Variants in MT1X observed in about 807,000 individuals in gnomAD.
MT1X encodes metallothionein 1X.
MT1X carries 7 observed loss-of-function variants against 8.6 expected under a neutral mutation model. The ratio of observed to expected loss-of-function variants is 0.81; its 90% CI spans 0.46 to 1.52. The LOEUF (loss-of-function observed/expected upper bound fraction) is 1.52. Among genes scored for constraint, MT1X ranks in the 40% most tolerant of loss-of-function variants. The pLI, the probability that MT1X is intolerant of heterozygous loss-of-function variation, is 0.01. For synonymous variants in MT1X, 25 were observed against 27.6 expected (o/e 0.91, Z 0.30); for missense variants, 72 against 74.3 (o/e 0.97, Z 0.11).
At chr16:56,682,948 C>T in intron 1 of MT1X, 1 of 628,198 alleles carries the variant, frequency 1.6e-6, no homozygotes, top group Non-Finnish European at 2.7e-6. Context: ...GTGTCTGGAG[C>T]CTGGGACCTT....
rs1961034241 is a variant in MT1X, at chr16:56,683,952, C to T, written c.95-6C>T. ...TCTGACCTCTCACTCTCCCCTTCTT[C>T]TCCAGGCTGCTGCTCCTGCTGCCCT... On this transcript the variant is annotated splice_polypyrimidine_tract_variant and splice_region_variant and intron_variant, in intron 2 of 2. Coordinates refer to ENST00000394485, the MANE Select transcript of MT1X (RefSeq NM_005952.4). 1.2e-6 allele frequency: 2 copies of T among 1,613,956 alleles called. No homozygotes were observed. The highest frequency in any genetic ancestry group is 1.7e-6 in the Non-Finnish European group (2 of 1,179,956).
At position 56,684,174 on chromosome 16, in the gene MT1X, T is replaced by C; in HGVS notation, c.*125T>C. The C allele has an allele frequency of 3.4e-6, 4 of 1,184,618 alleles. No homozygotes were observed. The highest frequency in any genetic ancestry group is 4.7e-6 in the Non-Finnish European group (4 of 858,770). The allele number at this position is 1,184,618 out of a possible 1,614,324, so 73.4% of individuals were successfully genotyped here. On this transcript the variant is annotated 3_prime_UTR_variant, in exon 3 of 3. Coordinates refer to ENST00000394485, the MANE Select transcript of MT1X (RefSeq NM_005952.4). The stretch of plus-strand genomic sequence containing the variant: ...TCTTTTTTTCTATGAAATATGTGAA[T>C]GGCAATAAATTCATCTAGACTATTC...
intron 1 of MT1X, chr16:56,682,875 G>A (rs1482520191): frequency 3.4e-6 from 2 of 591,158 alleles, no homozygotes; most frequent in South Asian, 2.1e-5. Context: ...GAAGTGGGGG[G>A]CCATTGCCTC....
At position 56,682,551 on chromosome 16, in the gene MT1X, A is replaced by G. The variant is rs769458223; in HGVS notation, c.11A>G (p.Asn4Ser). ...TCTCCTTGCCTCGAAATGGACCCCA[A>G]CTGCTCCTGCTCGCCTGGTAAGGGA... MDP[N>S]CSCSPVGSCA... is the part of the protein sequence containing the mutation. The change falls in exon 1 of 3, where the codon AAC becomes AGC. Residue 4 changes from asparagine to serine, a missense_variant. Physicochemically the swap from Asn to Ser is conservative, Grantham distance 46. Transcript: ENST00000394485. 10 of 1,614,168 alleles carry G rather than the reference A, an allele frequency of 6.2e-6. 1 individual carries two copies. The highest frequency in any genetic ancestry group is 1.6e-4 in the Middle Eastern group (1 of 6,062).
Position 56,683,382 on chromosome 16 carries a change from A to C in MT1X, c.94+152A>C, listed in dbSNP as rs1961025590. 7 of 833,100 alleles carry C rather than the reference A, an allele frequency of 8.4e-6. No homozygotes were observed. The South Asian group carries it at 1.2e-4, about 14-fold the overall frequency. The allele number at this position is 833,100 out of a possible 1,614,324, so 51.6% of individuals were successfully genotyped here. ...GAATCAGACCTCAAATTGCCTTAAA[A>C]ATGGGTGAGTCCCAGCCTCTTATTA... On this transcript the variant is annotated intron_variant, in intron 2 of 2. Coordinates refer to ENST00000394485, the MANE Select transcript of MT1X (RefSeq NM_005952.4).
intron 1 of MT1X, 71 bp downstream of exon 1, chr16:56,682,639 G>C: frequency 1.3e-6 from 2 of 1,579,740 alleles, no homozygotes; most frequent in Non-Finnish European, 1.7e-6. Context: ...TCCTGGGTTT[G>C]AAGAAGTCGC....
rs373503742 is a variant in MT1X at position 56,683,945 on chromosome 16, C to T, written c.95-13C>T. 1.2e-6 allele frequency: 2 copies of T among 1,613,928 alleles called. No individual in the cohort carries two copies. Among genetic ancestry groups the T allele is most frequent in the South Asian group, 1.1e-5 (1 of 91,066 alleles). ...AGTCTGCTCTGACCTCTCACTCTCC[C>T]CTTCTTCTCCAGGCTGCTGCTCCTG... On this transcript the variant is annotated splice_polypyrimidine_tract_variant and intron_variant, in intron 2 of 2. Transcript: ENST00000394485.
chr16:56,683,016 T>C, intron 1 of MT1X, 149 bp from the exon 2 acceptor site: 1 of 901,982 alleles, frequency 1.1e-6, no homozygotes, highest in Non-Finnish European at 1.7e-6. Flanking sequence ...GGAGAGGAGA[T>C]GGGGCTTCTC....
chr16:56,682,619 T>C (rs748960715), intron 1 of MT1X, 51 bp downstream of exon 1: 2 of 1,608,616 alleles, frequency 1.2e-6, no homozygotes, highest in Admixed American at 1.7e-5. Context: ...CCAGCCACAG[T>C]ACAGACTCTT....
Position 56,682,507 on chromosome 16 carries a change from T to C in MT1X, c.-34T>C. On this transcript the variant is annotated 5_prime_UTR_variant, in exon 1 of 3. Transcript: ENST00000394485. The stretch of plus-strand genomic sequence containing the variant: ...ATCTGTCCCGCTGCGTGTTTTCCTC[T>C]TGATCGGGAACTCCTGCTTCTCCTT... The C allele has an allele frequency of 6.2e-7, 1 of 1,614,064 alleles. No homozygotes were observed. The highest frequency in any genetic ancestry group is 1.3e-5 in the African/African-American group (1 of 75,058).
intron 2 of MT1X, 50 bp from the exon 3 acceptor site, chr16:56,683,908 G>C (rs753207724): frequency 5.0e-6 from 8 of 1,611,698 alleles, no homozygotes; most frequent in Non-Finnish European, 6.8e-6. Flanking sequence ...GGGGCAGGGA[G>C]GTGCCTGATT....
intron 2 of MT1X, 171 bp downstream of exon 2, chr16:56,683,401 C>T (rs1353861800): frequency 2.9e-6 from 2 of 683,872 alleles, no homozygotes; most frequent in South Asian, 1.9e-5. Flanking sequence ...GTCCCAGCCT[C>T]TTATTACCAA....
At chr16:56,683,668 CTT>C in intron 2 of MT1X, 1 of 444,936 alleles carries the variant, frequency 2.2e-6, no homozygotes, top group East Asian at 4.4e-5. Context: ...GCTGTGAAGA[CTT>C]TCCTCATTTA....
chr16:56,682,495 C>T lies in MT1X; in HGVS notation c.-46C>T, dbSNP rs769139923. On this transcript the variant is annotated 5_prime_UTR_variant, in exon 1 of 3. Coordinates refer to ENST00000394485, the MANE Select transcript of MT1X (RefSeq NM_005952.4). ...ACCACGCTTTTCATCTGTCCCGCTGCGTGTTTTCCTCTTGATCGGGAACTC... is the reference window on the plus strand; with the variant it reads ...ACCACGCTTTTCATCTGTCCCGCTGTGTGTTTTCCTCTTGATCGGGAACTC... 3.1e-6 allele frequency: 5 copies of T among 1,610,876 alleles called. No homozygotes were observed. The highest frequency in any genetic ancestry group is 2.2e-5 in the South Asian group (2 of 91,020).
chr16:56,684,131 C>G lies in MT1X; in HGVS notation c.*82C>G. 7.0e-7 allele frequency: 1 copy of G among 1,433,102 alleles called. No individual in the cohort carries two copies. Among genetic ancestry groups the G allele is most frequent in the African/African-American group, 1.5e-5 (1 of 68,676 alleles). The allele number at this position is 1,433,102 out of a possible 1,614,324, so 88.8% of individuals were successfully genotyped here. A position where few individuals can be genotyped will look rare whatever the true frequency, so the allele number is the denominator to read the frequency against. On this transcript the variant is annotated 3_prime_UTR_variant, in exon 3 of 3. Transcript: ENST00000394485. ...TTTTTTTTTTTTTTTTTTGTACAAC[C>G]CTGACCCGTTTGCTACATCTTTTTT...
intron 2 of MT1X, 39 bp from the exon 3 acceptor site, chr16:56,683,919 G>A: frequency 1.9e-6 from 3 of 1,612,802 alleles, no homozygotes; most frequent in Non-Finnish European, 2.5e-6. Flanking sequence ...GTGCCTGATT[G>A]AGTCTGCTCT....
At chr16:56,683,771 G>A (rs931005998) in intron 2 of MT1X, 187 bp from the exon 3 acceptor site, 1 of 825,378 alleles carries the variant, frequency 1.2e-6, no homozygotes. Context: ...ACTCAGGTGG[G>A]GCTGGGCAGC....
At chr16:56,683,096 C>A in intron 1 of MT1X, 69 bp from the exon 2 acceptor site, 1 of 1,578,722 alleles carries the variant, frequency 6.3e-7, no homozygotes, top group Non-Finnish European at 8.7e-7. Flanking sequence ...GTCACTGAAG[C>A]GTTATTGACC....
rs754866457 is a variant in MT1X at position 56,684,082 on chromosome 16, G to A, written c.*33G>A. ...ACAGCTGTGCTCTCAGATGTAAATAGAGCAACCTATATAAACCTGGATTTT... is the reference window on the plus strand; with the variant it reads ...ACAGCTGTGCTCTCAGATGTAAATAAAGCAACCTATATAAACCTGGATTTT... On this transcript the variant is annotated 3_prime_UTR_variant, in exon 3 of 3. Transcript: ENST00000394485. 4.6e-5 allele frequency: 72 copies of A among 1,579,650 alleles called. No homozygotes were observed. Among genetic ancestry groups the A allele is most frequent in the Non-Finnish European group, 5.7e-5 (66 of 1,162,954 alleles).
Sources: gnomAD v4.1 joint callset for allele counts on GRCh38, gnomAD v4.1.1 for gene constraint, MANE v1.5 for transcripts, NCBI Gene and HGNC (gene_info 2026-07-23, HGNC 2026-07-21) for gene names.